The following DNAI4 variants were observed in gnomAD, a reference collection of about 807,000 sequenced individuals.
DNAI4 encodes the protein WD repeat domain 78.
A neutral mutation model predicts 105.8 loss-of-function variants in DNAI4; 85 were observed. The observed-to-expected ratio is 0.80, with a 90% CI of 0.67 to 0.96. The LOEUF (loss-of-function observed/expected upper bound fraction) is 0.96, where lower values mean the gene tolerates loss of function less well. DNAI4 is among the 40% of genes least tolerant of loss of function. DNAI4 has a pLI of 0.00. For synonymous variants in DNAI4, 352 were observed against 331.5 expected (o/e 1.06, Z -0.67); for missense variants, 1,014 against 1,005.6 (o/e 1.01, Z -0.11).
chr1:66,861,017 T>C (rs1349759360), intron 7 of DNAI4, among the ~76,000 whole-genome samples: 1 of 152,128 alleles, frequency 6.6e-6, no homozygotes, highest in African/African-American at 2.4e-5. Flanking sequence ...TAAAGAACTA[T>C]GGAATATAGG....
chr1:66,905,484 T>C, intron 1 of DNAI4, 109 bp from the exon 2 acceptor site: 1 of 639,766 alleles, frequency 1.6e-6, no homozygotes, highest in Non-Finnish European at 2.3e-6. Context: ...AATCTAAACA[T>C]ATAACAAGAA....
At chr1:66,870,373 C>T (rs1345081036) in intron 6 of DNAI4, among the ~76,000 whole-genome samples, 19 of 148,554 alleles carry the variant, frequency 1.3e-4, no homozygotes, top group African/African-American at 3.5e-4. Flanking sequence ...ACCCGGGAGG[C>T]GGAGGTTGCA....
At chr1:66,845,118 G>A (rs1472079629) in intron 8 of DNAI4, among the ~76,000 whole-genome samples, 2 of 150,500 alleles carry the variant, frequency 1.3e-5, no homozygotes, top group Non-Finnish European at 3.0e-5. Context: ...TGGAACCCAG[G>A]AGGTGGAGGT....
chr1:66,875,418 A>C (rs1646939727), intron 4 of DNAI4, among the ~76,000 whole-genome samples: 1 of 152,130 alleles, frequency 6.6e-6, no homozygotes, highest in African/African-American at 2.4e-5. Flanking sequence ...AATCATCTTC[A>C]CCAGGGGTAA....
At chr1:66,830,512 G>A (rs1010126433) in intron 13 of DNAI4, among the ~76,000 whole-genome samples, 10 of 151,726 alleles carry the variant, frequency 6.6e-5, no homozygotes, top group Non-Finnish European at 1.3e-4. Context: ...CGCGGTGGCC[G>A]AAGCCTGTAA....
intron 13 of DNAI4, among the ~76,000 whole-genome samples, chr1:66,829,429 A>G (rs1645821697): frequency 6.6e-6 from 1 of 152,162 alleles, no homozygotes; most frequent in African/African-American, 2.4e-5. Flanking sequence ...TACTAATATC[A>G]TGCTAAGTAG....
intron 3 of DNAI4, among the ~76,000 whole-genome samples, chr1:66,892,201 G>C (rs938755043): frequency 6.6e-6 from 1 of 152,152 alleles, no homozygotes; most frequent in Admixed American, 6.5e-5. Context: ...CCCATCAAAA[G>C]AGGATGTAAA....
chr1:66,837,694 T>C lies in DNAI4; in HGVS notation c.1581+16A>G, dbSNP rs778129370. 1.9e-6 allele frequency: 3 copies of C among 1,601,150 alleles called. No homozygotes were observed. Among genetic ancestry groups the C allele is most frequent in the South Asian group, 2.3e-5 (2 of 87,148 alleles). On this transcript the variant is annotated intron_variant, in intron 10 of 16. Transcript: ENST00000371026. ...AACAGCCAGATAAAAATGCTTCTTA[T>C]TCTTGTTTGGGTTACCATGGGATTC...
chr1:66,835,942 C>T (rs1295134099), intron 10 of DNAI4, among the ~76,000 whole-genome samples, 165 bp from the exon 11 acceptor site: 1 of 151,762 alleles, frequency 6.6e-6, no homozygotes, highest in African/African-American at 2.4e-5. Context: ...AATAATAAAA[C>T]CTCACTTGGT....
intron 15 of DNAI4, 87 bp from the exon 16 acceptor site, chr1:66,822,604 A>G: frequency 1.6e-6 from 2 of 1,215,032 alleles, no homozygotes; most frequent in South Asian, 4.0e-5. Context: ...CATTTTTTAA[A>G]TTAAATGTAA....
intron 2 of DNAI4, among the ~76,000 whole-genome samples, chr1:66,894,276 A>G (rs1379847599): frequency 6.6e-6 from 1 of 152,188 alleles, no homozygotes. Flanking sequence ...CAGAAAACAG[A>G]GATATTGATA....
intron 3 of DNAI4, among the ~76,000 whole-genome samples, 180 bp downstream of exon 3, chr1:66,893,049 A>AG (rs1647891667): frequency 1.7e-5 from 2 of 115,744 alleles, no homozygotes; most frequent in African/African-American, 7.5e-5. Flanking sequence ...GAAAGAAAGA[A>AG]AGAAAGAGAG....
chr1:66,840,540 G>C lies in DNAI4; in HGVS notation c.1423C>G (p.Leu475Val). ...GTTAAGTCACAGGAAAAAGACCAAAGTCGTTCCAAGTTGGCGGGTATTGTT... is the reference window on the plus strand; with the variant it reads ...GTTAAGTCACAGGAAAAAGACCAAACTCGTTCCAAGTTGGCGGGTATTGTT... ...ESTIPANLERLWSFSCDLTKG... is the reference protein window; with the variant it reads ...ESTIPANLERVWSFSCDLTKG... The change falls in exon 9 of 17, where the codon CTT (leucine) becomes GTT (valine). Residue 475 changes from leucine to valine, a missense_variant. Transcript: ENST00000371026. The C allele has an allele frequency of 6.2e-7, 1 of 1,614,214 alleles. No individual in the cohort carries two copies.
chr1:66,855,235 T>A (rs1438092315), intron 7 of DNAI4, among the ~76,000 whole-genome samples: 1 of 152,232 alleles, frequency 6.6e-6, no homozygotes, highest in Non-Finnish European at 1.5e-5. Flanking sequence ...CTACCTTGCC[T>A]CACCATTCCT....
chr1:66,862,210 T>C lies in DNAI4; in HGVS notation c.1033A>G (p.Ser345Gly). The C allele has an allele frequency of 1.9e-6, 3 of 1,608,508 alleles. No homozygotes were observed. Among genetic ancestry groups the C allele is most frequent in the South Asian group, 2.2e-5 (2 of 89,646 alleles). ...TCTTTAGGAAGTACATTTGCTTTAC[T>C]ACTTGACTCAACCACAGATTGTTTT... The part of the protein sequence containing the change: ...SVKQSVVESS[S>G]KANVLPKDQD... Residue 345 changes from serine to glycine, a missense_variant, in exon 7 of 17, where the codon AGT becomes GGT. Physicochemically the swap from Ser to Gly is moderately conservative, Grantham distance 56. Coordinates refer to ENST00000371026, the MANE Select transcript of DNAI4 (RefSeq NM_024763.5).
intron 1 of DNAI4, among the ~76,000 whole-genome samples, chr1:66,907,850 C>T (rs1243090746): frequency 2.6e-5 from 4 of 152,168 alleles, no homozygotes; most frequent in African/African-American, 9.7e-5. Context: ...GAAGGTCAAT[C>T]AGCATTTCCT....
intron 4 of DNAI4, among the ~76,000 whole-genome samples, chr1:66,886,431 C>G (rs2100737124): frequency 6.6e-6 from 1 of 152,250 alleles, no homozygotes; most frequent in South Asian, 2.1e-4. Context: ...TATCCTGTAA[C>G]AGGTGCTGAG....
chr1:66,918,467 T>TA (rs1321237068), intron 1 of DNAI4, among the ~76,000 whole-genome samples: 1 of 152,190 alleles, frequency 6.6e-6, no homozygotes, highest in Admixed American at 6.5e-5. Flanking sequence ...TGTGCTTTCT[T>TA]AAAGCCCTGT....
intron 1 of DNAI4, chr1:66,921,490 T>C (rs776166495): frequency 8.5e-5 from 13 of 152,222 alleles, no homozygotes; most frequent in Non-Finnish European, 1.6e-4. Context: ...TTAGGTAACA[T>C]GGCTACTGCA....
Sources: allele counts gnomAD v4.1 joint callset (sites outside exome capture counted in the v4.1 genomes callset), GRCh38; gene constraint gnomAD v4.1.1; transcripts MANE v1.5; gene names NCBI Gene and HGNC (gene_info 2026-07-23, HGNC 2026-07-21).